Variants in PCDHA9 observed in about 807,000 individuals in gnomAD.
PCDHA9 encodes the protein protocadherin alpha 9, also known as protocadherin alpha-9.
In PCDHA9, 62 loss-of-function variants were observed where a neutral mutation model predicts 62.0. The observed-to-expected ratio is 1.00, with a 90% CI of 0.81 to 1.23. The LOEUF is 1.23. Among genes scored for constraint, PCDHA9 ranks in the 50% most tolerant of loss-of-function variants. The pLI is 0.00. For synonymous variants in PCDHA9, 557 were observed against 567.6 expected (o/e 0.98, Z 0.27); for missense variants, 1,205 against 1,249.8 (o/e 0.96, Z 0.54).
At chr5:140,918,766 C>T (rs1387250517) in intron 1 of PCDHA9, among the ~76,000 whole-genome samples, 2 of 152,170 alleles carry the variant, frequency 1.3e-5, no homozygotes, top group Non-Finnish European at 2.9e-5. Flanking sequence ...GGTGCCTTGC[C>T]TCTTTCACCA....
At chr5:140,920,269 A>G (rs1342153832) in intron 1 of PCDHA9, among the ~76,000 whole-genome samples, 1 of 152,224 alleles carries the variant, frequency 6.6e-6, no homozygotes, top group Non-Finnish European at 1.5e-5. Flanking sequence ...TTATTACTTT[A>G]TGTAATCTTA....
At chr5:140,870,277 G>T (rs367959983) in intron 1 of PCDHA9, 4 of 1,614,168 alleles carry the variant, frequency 2.5e-6, no homozygotes, top group Non-Finnish European at 3.4e-6. Context: ...GACGCCCCAC[G>T]TTCCCTTCAA....
At chr5:140,968,644 G>C (rs1554230935) in intron 1 of PCDHA9, 3 of 1,614,046 alleles carry the variant, frequency 1.9e-6, no homozygotes, top group African/African-American at 2.7e-5. Context: ...ATCTAGCCCA[G>C]ACTTCTGACC....
Position 140,858,116 on chromosome 5 carries a change from G to A in PCDHA9, c.2394+7227G>A, listed in dbSNP as rs140097524. The A allele has an allele frequency of 1.6e-5, 26 of 1,597,882 alleles. 1 individual carries two copies. The Middle Eastern group carries it at 5.1e-4, about 31-fold the overall frequency. Reference sequence around the variant, plus strand: ...TTCAGTGGGCGTGGCGCCCGAGGTGGCCCTGGTGGATGTCAACGTGTACCT... The same window carrying A: ...TTCAGTGGGCGTGGCGCCCGAGGTGACCCTGGTGGATGTCAACGTGTACCT... On this transcript the variant is annotated intron_variant, in intron 1 of 3. Coordinates refer to ENST00000532602, the MANE Select transcript of PCDHA9 (RefSeq NM_031857.2).
intron 1 of PCDHA9, among the ~76,000 whole-genome samples, chr5:140,953,431 G>A (rs782512202): frequency 6.6e-5 from 10 of 152,088 alleles, no homozygotes; most frequent in Non-Finnish European, 1.2e-4. Flanking sequence ...TTGTCCTTAA[G>A]CTGGAGAAAC....
In PCDHA9 at chr5:140,857,433, T is replaced by C. The variant is rs2044590478; in HGVS notation, c.2394+6544T>C. On this transcript the variant is annotated intron_variant, in intron 1 of 3. Transcript: ENST00000532602. ...TTCGCGCAGTCCGAGTACACGGTGTTCGTGAAGGAGAACAACCCGCCAGGC... is the reference window on the plus strand; with the variant it reads ...TTCGCGCAGTCCGAGTACACGGTGTCCGTGAAGGAGAACAACCCGCCAGGC... 2.5e-6 allele frequency: 4 copies of C among 1,598,232 alleles called. 1 individual carries two copies. Among genetic ancestry groups the C allele is most frequent in the Non-Finnish European group, 3.4e-6 (4 of 1,167,768 alleles).
intron 1 of PCDHA9, chr5:140,969,064 C>G: frequency 6.2e-7 from 1 of 1,614,136 alleles, no homozygotes; most frequent in Non-Finnish European, 8.5e-7. Context: ...ATATTGATGC[C>G]AGGATACCGC....
At chr5:140,906,041 A>T (rs1257569280) in intron 1 of PCDHA9, among the ~76,000 whole-genome samples, 1 of 152,128 alleles carries the variant, frequency 6.6e-6, no homozygotes, top group Non-Finnish European at 1.5e-5. Context: ...GTCTGCTTTT[A>T]TTCTGGCTGC....
At chr5:140,852,973 T>G (rs2150526500) in intron 1 of PCDHA9, 26 of 368,004 alleles carry the variant, frequency 7.1e-5, no homozygotes, top group Non-Finnish European at 9.8e-5. Flanking sequence ...CCCCCTCCCG[T>G]GTTCACGCCA....
chr5:140,908,754 A>C (rs1403008536), intron 1 of PCDHA9, among the ~76,000 whole-genome samples: 1 of 152,184 alleles, frequency 6.6e-6, no homozygotes, highest in Non-Finnish European at 1.5e-5. Context: ...ACTTGCACAC[A>C]GCCTGGACGT....
chr5:140,966,541 G>C (rs2096018356), intron 1 of PCDHA9: 3 of 462,844 alleles, frequency 6.5e-6, no homozygotes, highest in African/African-American at 2.0e-5. Context: ...TGAGCGACTC[G>C]GAGGCGAGCG....
intron 1 of PCDHA9, chr5:140,882,281 T>C (rs1554173360): frequency 6.2e-7 from 1 of 1,612,634 alleles, no homozygotes; most frequent in African/African-American, 1.3e-5. Context: ...GCTGTCTTCC[T>C]GGCAAGGAGG....
At chr5:140,998,118 G>A (rs545818682) in intron 3 of PCDHA9, among the ~76,000 whole-genome samples, 5 of 152,282 alleles carry the variant, frequency 3.3e-5, no homozygotes, top group Admixed American at 1.3e-4. Flanking sequence ...AAATTTACTT[G>A]TGAATCATAA....
At chr5:140,857,787 T>C in intron 1 of PCDHA9, 1 of 1,597,564 alleles carries the variant, frequency 6.3e-7, no homozygotes, top group Non-Finnish European at 8.6e-7. Flanking sequence ...AGTGAGCTGG[T>C]GCTGCGGTCG....
chr5:140,989,253 G>A (rs886150768), intron 3 of PCDHA9, among the ~76,000 whole-genome samples: 4 of 152,194 alleles, frequency 2.6e-5, no homozygotes, highest in Non-Finnish European at 1.5e-5. Flanking sequence ...CTTGTCAAAA[G>A]GGAGATTCAA....
chr5:140,871,211 T>C (rs781784103), intron 1 of PCDHA9: 2 of 1,613,842 alleles, frequency 1.2e-6, no homozygotes, highest in Non-Finnish European at 1.7e-6. Context: ...ATCATCGCCA[T>C]CTGCGTGGTG....
At chr5:140,929,678 T>C in intron 1 of PCDHA9, 1 of 305,066 alleles carries the variant, frequency 3.3e-6, no homozygotes, top group East Asian at 5.8e-5. Flanking sequence ...ATGAAAAATA[T>C]GTAAGAGTCT....
In PCDHA9 at chr5:140,917,150, G is replaced by A. The variant is rs535773024; in HGVS notation, c.2395-61799G>A. Among the ~76,000 whole-genome samples the A allele has an allele frequency of 2.0e-5, 3 of 152,324 alleles. No individual in the cohort carries two copies. In the South Asian group the frequency reaches 6.2e-4, roughly 32 times the overall value. On this transcript the variant is annotated intron_variant, in intron 1 of 3. Transcript: ENST00000532602. ...CCCCACGTTGCTCAGCTGCTGCTGG[G>A]GGATATGGGAGGGGTGATGGTGGTG...
At chr5:140,855,901 A>G (rs1280645152) in intron 1 of PCDHA9, 6 of 1,088,536 alleles carry the variant, frequency 5.5e-6, no homozygotes, top group African/African-American at 4.7e-5. Flanking sequence ...GGCATCAGCC[A>G]GTTTCTCAAG....
Sources: allele counts gnomAD v4.1 joint callset (sites outside exome capture counted in the v4.1 genomes callset), GRCh38; gene constraint gnomAD v4.1.1; transcripts MANE v1.5; gene names NCBI Gene and HGNC (gene_info 2026-07-23, HGNC 2026-07-21).